PCNX2: variants seen among roughly 807,000 people sequenced by gnomAD.
The protein encoded by PCNX2 is pecanex 2, also known as pecanex-like protein 2.
A neutral mutation model predicts 223.8 loss-of-function variants in PCNX2; 168 were observed. The ratio of observed to expected loss-of-function variants is 0.75; its 90% CI spans 0.66 to 0.85. PCNX2 has a LOEUF of 0.85. PCNX2 is among the 40% of genes least tolerant of loss of function. The pLI is 0.00. For synonymous variants in PCNX2, 1,006 were observed against 1,052.6 expected (o/e 0.96, Z 0.86); for missense variants, 2,507 against 2,675.5 (o/e 0.94, Z 1.39).
Position 233,259,114 on chromosome 1 carries a change from T to C in PCNX2, c.748A>G (p.Lys250Glu). 1 of 1,614,010 alleles carries C rather than the reference T, an allele frequency of 6.2e-7. No individual in the cohort carries two copies. ...TGGGGCAACTTCTTCAAGGGTCCCT[T>C]ATCCACTAAGCCACCCTCGGATCTG... ...RHRSEGGLVD[K>E]GPLKKLPHLS... Residue 250 changes from lysine (K) to glutamate (E), a missense_variant, in exon 5 of 34, where the codon AAG becomes GAG. By Grantham distance (56) the Lys-to-Glu change is moderately conservative (BLOSUM62 1). This residue lies in a region of PCNX2 where 1,031 missense variants were observed against 1,021.7 expected (regional missense o/e 1.01). Coordinates refer to ENST00000258229, the MANE Select transcript of PCNX2 (RefSeq NM_014801.4).
At chr1:233,230,555 T>C (rs555512927) in intron 9 of PCNX2, among the ~76,000 whole-genome samples, 1 of 152,354 alleles carries the variant, frequency 6.6e-6, no homozygotes, top group African/African-American at 2.4e-5. Context: ...TAAATGCCAC[T>C]GCAGAACTCT....
At chr1:233,130,424 G>A (rs1476429339) in intron 21 of PCNX2, among the ~76,000 whole-genome samples, 1 of 151,780 alleles carries the variant, frequency 6.6e-6, no homozygotes, top group East Asian at 1.9e-4. Flanking sequence ...TTTGTCTGGT[G>A]GGTTCCAGCC....
rs766352730 is a variant in PCNX2, at chr1:233,258,054, T to C, written c.1808A>G (p.Gln603Arg). 5.6e-6 allele frequency: 9 copies of C among 1,613,442 alleles called. No homozygotes were observed. Among genetic ancestry groups the C allele is most frequent in the Non-Finnish European group, 5.9e-6 (7 of 1,179,512 alleles). The change falls in exon 5 of 34, where the codon CAG (glutamine) becomes CGG (arginine). Residue 603 changes from glutamine to arginine, a missense_variant. By Grantham distance (43) the Gln-to-Arg change is conservative. Around this residue, in one of 3 missense-constraint regions of PCNX2, gnomAD observed 1,031 missense variants for 1,021.7 expected, o/e 1.01. Coordinates refer to ENST00000258229, the MANE Select transcript of PCNX2 (RefSeq NM_014801.4). Reference protein sequence around the residue: ...ASSQLNGSAEQNEESGLLRDN... With the variant: ...ASSQLNGSAERNEESGLLRDN... ...TCGGAGAAGCCCACTTTCTTCATTC[T>C]GCTCAGCTGAGCCATTCAGTTGACT...
chr1:233,221,082 T>C (rs890220047), intron 10 of PCNX2, among the ~76,000 whole-genome samples: 1 of 152,218 alleles, frequency 6.6e-6, no homozygotes, highest in Non-Finnish European at 1.5e-5. Flanking sequence ...GGTGATTTGG[T>C]TGACTGAACT....
chr1:233,309,668 A>G, the PCNX2 span, among the ~76,000 whole-genome samples: 11 of 152,226 alleles, frequency 7.2e-5, no homozygotes, highest in South Asian at 2.3e-3. Flanking sequence ...CCCTGAGGTC[A>G]GGAATTCAAG....
chr1:233,235,104 T>C (rs1003553982), intron 9 of PCNX2, among the ~76,000 whole-genome samples: 1 of 151,688 alleles, frequency 6.6e-6, no homozygotes, highest in African/African-American at 2.4e-5. Context: ...CAGGTCCACT[T>C]CCACCCACAG....
intron 1 of PCNX2, among the ~76,000 whole-genome samples, chr1:233,291,357 C>T (rs1661751758): frequency 6.6e-6 from 1 of 152,140 alleles, no homozygotes; most frequent in African/African-American, 2.4e-5. Context: ...CGCCTGTAAT[C>T]CCAGCACTTT....
chr1:233,268,699 G>A (rs907649528), intron 1 of PCNX2, among the ~76,000 whole-genome samples: 7 of 152,136 alleles, frequency 4.6e-5, no homozygotes, highest in Non-Finnish European at 2.9e-5. Context: ...TGGCCTTCCT[G>A]GGCAGTCAGA....
At chr1:233,287,592 G>T (rs1293764247) in intron 1 of PCNX2, among the ~76,000 whole-genome samples, 1 of 152,176 alleles carries the variant, frequency 6.6e-6, no homozygotes. Flanking sequence ...ATGACTGTGA[G>T]GCCTCCCTAG....
In PCNX2 at chr1:233,115,756, T is replaced by C. The variant is rs542289701; in HGVS notation, c.3837+19257A>G. ...TAATCCATGGCAAAAAGAAAGAAGA[T>C]AGAGAAAAAACAAACTGAAAACTAT... is the stretch of plus-strand genomic sequence containing the variant. On this transcript the variant is annotated intron_variant, in intron 21 of 33. Coordinates refer to ENST00000258229, the MANE Select transcript of PCNX2 (RefSeq NM_014801.4). 4.0e-5 allele frequency among the ~76,000 whole-genome samples: 6 copies of C among 151,110 alleles called. No individual in the cohort carries two copies. The South Asian group carries it at 8.4e-4, about 21-fold the overall frequency.
At chr1:233,003,263 AAG>A (rs1425537958) in intron 28 of PCNX2, among the ~76,000 whole-genome samples, 1 of 152,262 alleles carries the variant, frequency 6.6e-6, no homozygotes, top group Non-Finnish European at 1.5e-5. Context: ...CTATCTGACA[AAG>A]GGCTAATATC....
intron 19 of PCNX2, among the ~76,000 whole-genome samples, chr1:233,146,024 T>G (rs1677429263): frequency 6.6e-6 from 1 of 152,180 alleles, no homozygotes; most frequent in African/African-American, 2.4e-5. Context: ...GAAATGCTCA[T>G]ACGCCACAAT....
At chr1:233,136,536 A>G (rs909396433) in intron 20 of PCNX2, among the ~76,000 whole-genome samples, 1 of 152,170 alleles carries the variant, frequency 6.6e-6, no homozygotes, top group Admixed American at 6.5e-5. Context: ...CTTGTACAGC[A>G]GGCTTGGATT....
intron 25 of PCNX2, among the ~76,000 whole-genome samples, chr1:233,032,781 T>A (rs1235474653): frequency 6.6e-6 from 1 of 152,164 alleles, no homozygotes; most frequent in East Asian, 1.9e-4. Context: ...GAAAGGGCAG[T>A]TGAGGAAACA....
At chr1:233,223,343 G>T (rs1657506167) in intron 10 of PCNX2, among the ~76,000 whole-genome samples, 1 of 152,200 alleles carries the variant, frequency 6.6e-6, no homozygotes, top group Non-Finnish European at 1.5e-5. Context: ...ATTAGAGAAT[G>T]AAAGGAGCAA....
the PCNX2 span, among the ~76,000 whole-genome samples, chr1:233,318,856 C>T: frequency 6.6e-6 from 1 of 152,132 alleles, no homozygotes; most frequent in Non-Finnish European, 1.5e-5. Flanking sequence ...AAGCGTGAGC[C>T]ACTGCGCCCA....
intron 23 of PCNX2, among the ~76,000 whole-genome samples, chr1:233,067,185 A>G (rs1469531136): frequency 6.6e-6 from 1 of 151,866 alleles, no homozygotes; most frequent in Non-Finnish European, 1.5e-5. Context: ...TCCAGAGTTG[A>G]ATAGAAAAGT....
the PCNX2 span, among the ~76,000 whole-genome samples, chr1:233,323,787 A>G: frequency 6.6e-6 from 1 of 152,212 alleles, no homozygotes; most frequent in Admixed American, 6.5e-5. Flanking sequence ...AATTAGTCCA[A>G]TTAATAACTC....
intron 13 of PCNX2, 38 bp downstream of exon 13, chr1:233,208,480 C>T (rs754663777): frequency 2.4e-5 from 37 of 1,560,346 alleles, no homozygotes; most frequent in Non-Finnish European, 3.2e-5. Context: ...ATACCCCCAA[C>T]CCCCATATTC....
Sources: gnomAD v4.1 joint callset for allele counts (sites outside exome capture counted in the v4.1 genomes callset) on GRCh38, gnomAD v4.1.1 for gene constraint, gnomAD v4.1.1 regional missense constraint, MANE v1.5 for transcripts, NCBI Gene and HGNC (gene_info 2026-07-23, HGNC 2026-07-21) for gene names.